TMEM202: variants seen among roughly 807,000 people sequenced by gnomAD.
TMEM202 encodes the protein transmembrane protein 202.
A neutral mutation model predicts 26.1 loss-of-function variants in TMEM202; 25 were observed. That is an observed-to-expected ratio of 0.96 (90% CI 0.70 to 1.34). TMEM202 has a LOEUF of 1.34. Ranked by LOEUF, TMEM202 falls within the 40% of genes most tolerant of loss-of-function variation. The pLI, the probability that TMEM202 is intolerant of heterozygous loss-of-function variation, is 0.00. For missense variants in TMEM202, 301 were observed against 327.7 expected (o/e 0.92, Z 0.63); for synonymous variants, 122 against 119.0 (o/e 1.02, Z -0.16).
intron 2 of TMEM202, among the ~76,000 whole-genome samples, chr15:72,400,838 A>T (rs1041881951): frequency 2.6e-5 from 4 of 152,214 alleles, no homozygotes; most frequent in African/African-American, 9.7e-5. Flanking sequence ...TGCCCATTTT[A>T]ATGGCTATTT....
chr15:72,398,728 CACATCT>C lies in TMEM202; in HGVS notation c.163_168del (p.Tyr55_Ile56del). On this transcript the variant is annotated inframe_deletion, in exon 2 of 5. Transcript: ENST00000341689. ...GCAGCAGCAGCTTATGGATCAGGCACACATCTACATCCGAACGCTCTGTGGCAGCCT... is the reference window on the plus strand; with the variant it reads ...GCAGCAGCAGCTTATGGATCAGGCACACATCCGAACGCTCTGTGGCAGCCT... 1 of 1,614,178 alleles carries C rather than the reference CACATCT, an allele frequency of 6.2e-7. No homozygotes were observed.
At chr15:72,398,948 T>C (rs138383648) in intron 2 of TMEM202, 40 bp downstream of exon 2, 2 of 1,578,514 alleles carry the variant, frequency 1.3e-6, no homozygotes, top group African/African-American at 1.3e-5. Flanking sequence ...CCCCACACAA[T>C]TGCAGAGCTT....
chr15:72,403,516 G>A (rs1011610003), intron 2 of TMEM202, among the ~76,000 whole-genome samples: 8 of 152,152 alleles, frequency 5.3e-5, no homozygotes, highest in African/African-American at 1.4e-4. Context: ...AGGGGTGTTC[G>A]TTTTATCTCA....
In TMEM202 at chr15:72,407,680, C is replaced by T; in HGVS notation, c.620-11C>T. 2 of 1,613,308 alleles carry T rather than the reference C, an allele frequency of 1.2e-6. No homozygotes were observed. Among genetic ancestry groups the T allele is most frequent in the East Asian group, 2.2e-5 (1 of 44,884 alleles). ...TATTGAACCTCACCTCAAATTATTC[C>T]CTTCCCGTAGGGATCATCTCTCTTC... On this transcript the variant is annotated splice_polypyrimidine_tract_variant and intron_variant, in intron 4 of 4. Coordinates refer to ENST00000341689, the MANE Select transcript of TMEM202 (RefSeq NM_001080462.3).
chr15:72,406,855 C>G, intron 3 of TMEM202, 104 bp downstream of exon 3: 2 of 1,349,654 alleles, frequency 1.5e-6, no homozygotes, highest in South Asian at 2.7e-5. Flanking sequence ...CTTTGCTCTT[C>G]TTCAGTATCA....
In TMEM202 at chr15:72,398,728, C is replaced by T. The variant is rs774592752; in HGVS notation, c.157C>T (p.His53Tyr). Residue 53 changes from histidine to tyrosine, a missense_variant, in exon 2 of 5, where the codon CAC (histidine) becomes TAC (tyrosine). Transcript: ENST00000341689. ...QRQQQLMDQA[H>Y]IYIRTLCGSL... ...GCAGCAGCAGCTTATGGATCAGGCACACATCTACATCCGAACGCTCTGTGG... is the reference window on the plus strand; with the variant it reads ...GCAGCAGCAGCTTATGGATCAGGCATACATCTACATCCGAACGCTCTGTGG... 24 of 1,614,178 alleles carry T rather than the reference C, an allele frequency of 1.5e-5. No individual in the cohort carries two copies. Among genetic ancestry groups the T allele is most frequent in the Non-Finnish European group, 1.9e-5 (23 of 1,180,040 alleles).
chr15:72,404,968 G>T (rs1019180731), intron 2 of TMEM202, among the ~76,000 whole-genome samples: 5 of 152,158 alleles, frequency 3.3e-5, no homozygotes, highest in Non-Finnish European at 5.9e-5. Context: ...AAAATGTGCA[G>T]CTTGTGAATT....
At position 72,407,921 on chromosome 15, in the gene TMEM202, A is replaced by T; in HGVS notation, c.*28A>T. On this transcript the variant is annotated 3_prime_UTR_variant, in exon 5 of 5. Transcript: ENST00000341689. ...GGAAAACCTAACTATAGCTTGTCTTAAAAGCAGGGGAGAAGCTGAGTTGGG... is the reference window on the plus strand; with the variant it reads ...GGAAAACCTAACTATAGCTTGTCTTTAAAGCAGGGGAGAAGCTGAGTTGGG... 1 of 1,590,858 alleles carries T rather than the reference A, an allele frequency of 6.3e-7. No homozygotes were observed. Among genetic ancestry groups the T allele is most frequent in the Non-Finnish European group, 8.6e-7 (1 of 1,163,254 alleles).
intron 2 of TMEM202, among the ~76,000 whole-genome samples, chr15:72,402,834 G>C (rs537752835): frequency 6.6e-6 from 1 of 152,160 alleles, no homozygotes; most frequent in East Asian, 1.9e-4. Context: ...GGGTTACGAG[G>C]GGACTTAAAT....
At position 72,407,816 on chromosome 15, in the gene TMEM202, G is replaced by A; in HGVS notation, c.745G>A (p.Asp249Asn). Residue 249 changes from aspartate to asparagine, a missense_variant, in exon 5 of 5, where the codon GAT becomes AAT. By Grantham distance (23) the Asp-to-Asn change is conservative. Transcript: ENST00000341689. ...GGTGACTACAGTATCACCTGCTAAA[G>A]ATGAAGGGCCAAGGTCTGAGATGGA... Reference protein sequence around the residue: ...GPVTTVSPAKDEGPRSEMESL... With the variant: ...GPVTTVSPAKNEGPRSEMESL... The A allele has an allele frequency of 6.2e-7, 1 of 1,614,154 alleles. No individual in the cohort carries two copies. The highest frequency in any genetic ancestry group is 8.5e-7 in the Non-Finnish European group (1 of 1,180,030).
chr15:72,407,556 G>A, intron 4 of TMEM202, 135 bp from the exon 5 acceptor site: 3 of 753,132 alleles, frequency 4.0e-6, no homozygotes, highest in Admixed American at 2.5e-5. Context: ...GGAGGGTAAA[G>A]TAACTCCACT....
intron 2 of TMEM202, among the ~76,000 whole-genome samples, chr15:72,401,910 C>T (rs922119418): frequency 9.2e-5 from 14 of 152,282 alleles, no homozygotes; most frequent in Middle Eastern, 3.4e-3. Flanking sequence ...GTCCAGGCCT[C>T]ATCTCCCTGT....
chr15:72,398,356 T>G lies in TMEM202; in HGVS notation c.30T>G (p.Thr10=). The G allele has an allele frequency of 6.2e-7, 1 of 1,613,426 alleles. No homozygotes were observed. The highest frequency in any genetic ancestry group is 1.1e-5 in the South Asian group (1 of 90,766). Residue 10 remains threonine, a synonymous_variant, in exon 1 of 5, where the codon ACT becomes ACG. Coordinates refer to ENST00000341689, the MANE Select transcript of TMEM202 (RefSeq NM_001080462.3). ...AGCGAAGGGAACATTTAACCTTGAC[T>G]TTCCACAGTCCTGAGGTTCCCAAAA... MERREHLTL[T]FHSPEVPKIK... is the part of the protein sequence containing the mutation.
chr15:72,407,977 T>C lies in TMEM202; in HGVS notation c.*84T>C, dbSNP rs529810393. The stretch of plus-strand genomic sequence containing the variant: ...TCACATAAATTCTGGGAAACTCTCC[T>C]AATATCATGTCCATATTACTTGAGG... On this transcript the variant is annotated 3_prime_UTR_variant, in exon 5 of 5. Coordinates refer to ENST00000341689, the MANE Select transcript of TMEM202 (RefSeq NM_001080462.3). 2 of 1,109,674 alleles carry C rather than the reference T, an allele frequency of 1.8e-6. No individual in the cohort carries two copies. The highest frequency in any genetic ancestry group is 1.4e-5 in the South Asian group (1 of 70,012). The allele number at this position is 1,109,674 out of a possible 1,614,324, so 68.7% of individuals were successfully genotyped here.
At chr15:72,405,665 T>C (rs1416533334) in intron 2 of TMEM202, among the ~76,000 whole-genome samples, 1 of 152,022 alleles carries the variant, frequency 6.6e-6, no homozygotes, top group Non-Finnish European at 1.5e-5. Flanking sequence ...CTTGGTAAAT[T>C]GGGGCTTGAA....
chr15:72,402,218 G>A (rs771382388), intron 2 of TMEM202, among the ~76,000 whole-genome samples: 22 of 152,008 alleles, frequency 1.4e-4, no homozygotes, highest in African/African-American at 4.6e-4. Flanking sequence ...CGCCTGCCTC[G>A]GCCTCCCAAA....
At chr15:72,404,533 T>A (rs78143745) in intron 2 of TMEM202, among the ~76,000 whole-genome samples, 5,031 of 152,076 alleles carry the variant, frequency 0.033, 131 homozygotes, top group East Asian at 0.12. Context: ...ATAAAGAAAA[T>A]CAAGCCAGCC....
At chr15:72,406,843 C>A in intron 3 of TMEM202, 92 bp downstream of exon 3, 2 of 1,405,128 alleles carry the variant, frequency 1.4e-6, no homozygotes, top group Non-Finnish European at 2.0e-6. Context: ...TTTTTCTTAT[C>A]TCTTTGCTCT....
In TMEM202 at chr15:72,408,158, T is replaced by C; in HGVS notation, c.*265T>C. 2.7e-6 allele frequency: 1 copy of C among 373,274 alleles called. No homozygotes were observed. Among genetic ancestry groups the C allele is most frequent in the South Asian group, 3.4e-5 (1 of 29,710 alleles). The allele number at this position is 373,274 out of a possible 1,614,324, so 23.1% of individuals were successfully genotyped here. ...TGAAAGAAACTAGTGAAAGATGCAGTGTGTAGACCAGAGACCTCTTTGGGT... is the reference window on the plus strand; with the variant it reads ...TGAAAGAAACTAGTGAAAGATGCAGCGTGTAGACCAGAGACCTCTTTGGGT... On this transcript the variant is annotated 3_prime_UTR_variant, in exon 5 of 5. Transcript: ENST00000341689.
Sources: gnomAD v4.1 joint callset for allele counts (sites outside exome capture counted in the v4.1 genomes callset) on GRCh38, gnomAD v4.1.1 for gene constraint, MANE v1.5 for transcripts, NCBI Gene and HGNC (gene_info 2026-07-23, HGNC 2026-07-21) for gene names.